KDM5B: variants seen among roughly 807,000 people sequenced by gnomAD.
KDM5B encodes the protein lysine demethylase 5B, also known as lysine-specific demethylase 5B.
KDM5B carries 144 observed loss-of-function variants against 193.4 expected under a neutral mutation model. The observed-to-expected ratio is 0.74, with a 90% CI of 0.65 to 0.86. The LOEUF (loss-of-function observed/expected upper bound fraction) is 0.86. KDM5B is among the 40% of genes least tolerant of loss of function. The probability of loss-of-function intolerance (pLI) is 0.00; values close to 1 mark genes in which losing one functional copy is unlikely to be tolerated. For synonymous variants in KDM5B, 668 were observed against 682.6 expected (o/e 0.98, Z 0.33); for missense variants, 1,833 against 1,886.9 (o/e 0.97, Z 0.53).
At chr1:202,793,927 C>A (rs1657739075) in intron 1 of KDM5B, among the ~76,000 whole-genome samples, 1 of 152,210 alleles carries the variant, frequency 6.6e-6, no homozygotes, top group Admixed American at 6.5e-5. Flanking sequence ...AACCCATACT[C>A]TACCACAAAT....
rs1167365945 is a variant in KDM5B at position 202,727,961 on chromosome 1, T to TA, written c.*1074dup. 6.6e-6 allele frequency: 1 copy of TA among 152,670 alleles called. No individual in the cohort carries two copies. Among genetic ancestry groups the TA allele is most frequent in the Non-Finnish European group, 1.5e-5 (1 of 68,046 alleles). The allele number at this position is 152,670 out of a possible 1,614,324, so 9.5% of individuals were successfully genotyped here. A position where few individuals can be genotyped will look rare whatever the true frequency, so the allele number is the denominator to read the frequency against. ...TTTTAAAAGAGCACGGCTTTAAAGA[T>TA]AGGTTCTAGTCCTTGAAGACAGAGG... On this transcript the variant is annotated 3_prime_UTR_variant, in exon 27 of 27. Coordinates refer to ENST00000367265, the MANE Select transcript of KDM5B (RefSeq NM_006618.5).
At chr1:202,744,094 A>T in intron 16 of KDM5B, among the ~76,000 whole-genome samples, 1 of 152,254 alleles carries the variant, frequency 6.6e-6, no homozygotes, top group East Asian at 1.9e-4. Context: ...CATCTGACAA[A>T]GGTCTAATAT....
chr1:202,747,021 G>A (rs1385355696), intron 14 of KDM5B, among the ~76,000 whole-genome samples: 1 of 152,122 alleles, frequency 6.6e-6, no homozygotes, highest in African/African-American at 2.4e-5. Context: ...GTCATTTAAA[G>A]ACCAAACTTC....
chr1:202,782,270 C>G (rs1166376101), intron 1 of KDM5B, among the ~76,000 whole-genome samples: 2 of 152,082 alleles, frequency 1.3e-5, no homozygotes, highest in Non-Finnish European at 2.9e-5. Context: ...AAACTAGACT[C>G]CAATAAAAAA....
chr1:202,745,216 C>T (rs192255084), intron 16 of KDM5B, among the ~76,000 whole-genome samples: 9 of 152,274 alleles, frequency 5.9e-5, no homozygotes, highest in Admixed American at 1.3e-4. Flanking sequence ...AGAAAAATAA[C>T]TAATGGGTAC....
At chr1:202,732,519 C>T (rs1405102578) in intron 23 of KDM5B, among the ~76,000 whole-genome samples, 2 of 152,140 alleles carry the variant, frequency 1.3e-5, no homozygotes, top group Non-Finnish European at 1.5e-5. Flanking sequence ...TGCCACAACT[C>T]ATCTATGCAA....
intron 5 of KDM5B, among the ~76,000 whole-genome samples, chr1:202,764,762 T>C (rs1245460723): frequency 6.6e-6 from 1 of 152,202 alleles, no homozygotes; most frequent in East Asian, 1.9e-4. Flanking sequence ...GGTGGATCAC[T>C]TGAGGCCAGG....
chr1:202,801,967 C>T (rs1248611210), intron 1 of KDM5B, among the ~76,000 whole-genome samples: 1 of 151,180 alleles, frequency 6.6e-6, no homozygotes, highest in Non-Finnish European at 1.5e-5. Context: ...AGTTCCCAAC[C>T]TTCATTCCAT....
chr1:202,755,504 G>A (rs1242799080), intron 10 of KDM5B, 52 bp from the exon 11 acceptor site: 19 of 1,311,134 alleles, frequency 1.4e-5, no homozygotes, highest in Non-Finnish European at 2.0e-5. Context: ...CAATGCTAAC[G>A]TTTTAGAAGG....
At chr1:202,762,326 A>C (rs1008784226) in intron 7 of KDM5B, among the ~76,000 whole-genome samples, 1 of 152,094 alleles carries the variant, frequency 6.6e-6, no homozygotes, top group Admixed American at 6.5e-5. Context: ...GAAGTTGGAA[A>C]ACACTAACTT....
At chr1:202,788,652 T>C (rs766383303) in intron 1 of KDM5B, among the ~76,000 whole-genome samples, 10 of 152,212 alleles carry the variant, frequency 6.6e-5, no homozygotes, top group Non-Finnish European at 1.3e-4. Context: ...AGACATTTTA[T>C]GATACTTCAA....
In KDM5B at chr1:202,736,391, G is replaced by A; in HGVS notation, c.3086C>T (p.Ala1029Val). 1.3e-6 allele frequency: 2 copies of A among 1,544,810 alleles called. No homozygotes were observed. Among genetic ancestry groups the A allele is most frequent in the Non-Finnish European group, 1.7e-6 (2 of 1,144,450 alleles). ...GTCTAACACTGGCACACGTCCTCCA[G>A]CCTAATAAGTCAAGAAAAATTACAG... is the stretch of plus-strand genomic sequence containing the variant. Reference protein sequence around the residue: ...DWLQDVEGLQAGGRVPVLDTL... With the variant: ...DWLQDVEGLQVGGRVPVLDTL... Residue 1029 changes from alanine to valine, a missense_variant and splice_region_variant, in exon 21 of 27, where the codon GCT becomes GTT. Coordinates refer to ENST00000367265, the MANE Select transcript of KDM5B (RefSeq NM_006618.5).
At chr1:202,796,114 G>A (rs6427966) in intron 1 of KDM5B, 163,616 of 209,580 alleles carry the variant, frequency 0.78, 65,918 homozygotes, top group Non-Finnish European at 0.86. Context: ...CTCCTTCCTC[G>A]TGACACCCCT....
intron 1 of KDM5B, among the ~76,000 whole-genome samples, chr1:202,799,324 T>C (rs1464468140): frequency 1.3e-5 from 2 of 152,202 alleles, no homozygotes; most frequent in Non-Finnish European, 2.9e-5. Context: ...ATACCCCTCC[T>C]GTCCTCTTTT....
At chr1:202,765,839 A>G (rs149053678) in intron 5 of KDM5B, among the ~76,000 whole-genome samples, 16 of 152,294 alleles carry the variant, frequency 1.1e-4, no homozygotes, top group African/African-American at 3.8e-4. Context: ...AGCTCTAAAC[A>G]GTTCCCTATA....
intron 20 of KDM5B, among the ~76,000 whole-genome samples, chr1:202,738,817 T>C (rs1655193220): frequency 6.6e-6 from 1 of 152,108 alleles, no homozygotes; most frequent in Non-Finnish European, 1.5e-5. Flanking sequence ...ACTGGGAAAA[T>C]CATATTAAAG....
chr1:202,802,036 C>T (rs1184538301), intron 1 of KDM5B, among the ~76,000 whole-genome samples: 2 of 151,166 alleles, frequency 1.3e-5, no homozygotes, highest in East Asian at 1.9e-4. Context: ...TTAGAAAATA[C>T]CAAATTCTCT....
At chr1:202,750,092 T>C (rs998547429) in intron 13 of KDM5B, among the ~76,000 whole-genome samples, 6 of 152,204 alleles carry the variant, frequency 3.9e-5, no homozygotes, top group Admixed American at 6.5e-5. Context: ...TGTAAATCAA[T>C]AGACTCCATT....
chr1:202,785,039 T>G (rs1435409557), intron 1 of KDM5B, among the ~76,000 whole-genome samples: 1 of 151,650 alleles, frequency 6.6e-6, no homozygotes, highest in African/African-American at 2.4e-5. Flanking sequence ...ACAGACTACC[T>G]TTTAGGACTG....
Sources: allele counts gnomAD v4.1 joint callset (sites outside exome capture counted in the v4.1 genomes callset), GRCh38; gene constraint gnomAD v4.1.1; transcripts MANE v1.5; gene names NCBI Gene and HGNC (gene_info 2026-07-23, HGNC 2026-07-21).